Variants in KIF27 observed in about 807,000 individuals in gnomAD.
The protein encoded by KIF27 is kinesin family member 27, also known as kinesin-like protein KIF27.
Under a neutral mutation model 141.8 loss-of-function variants are expected in KIF27, and 84 were observed. The ratio of observed to expected loss-of-function variants is 0.59; its 90% CI spans 0.50 to 0.71. The LOEUF (loss-of-function observed/expected upper bound fraction) is 0.71, where lower values mean the gene tolerates loss of function less well. KIF27 is among the 30% of genes least tolerant of loss of function. KIF27 has a pLI of 0.00. For synonymous variants in KIF27, 471 were observed against 569.5 expected, an observed-to-expected ratio of 0.83 and a Z score of 2.46; for missense variants, 1,306 against 1,628.4, an observed-to-expected ratio of 0.80 and a Z score of 3.41.
chr9:83,851,231 C>T (rs1948548653), intron 15 of KIF27, among the ~76,000 whole-genome samples: 1 of 152,122 alleles, frequency 6.6e-6, no homozygotes, highest in African/African-American at 2.4e-5. Flanking sequence ...AATTCTGTAA[C>T]TTTATTTCTC....
At chr9:83,902,951 G>C in intron 4 of KIF27, 109 bp downstream of exon 4, 1 of 611,306 alleles carries the variant, frequency 1.6e-6, no homozygotes, top group Non-Finnish European at 2.7e-6. Context: ...CCTTAAAAGA[G>C]TTATCCATAA....
At chr9:83,904,128 G>A in intron 3 of KIF27, 110 bp from the exon 4 acceptor site, 1 of 689,186 alleles carries the variant, frequency 1.5e-6, no homozygotes, top group African/African-American at 1.8e-5. Flanking sequence ...TTTTTAAAAA[G>A]TCAACAGCAT....
rs140861753 is a variant in KIF27 at position 83,891,321 on chromosome 9, T to C, written c.1783A>G (p.Ile595Val). ...TTCCTGGAATCTTGTCTTGATGGGA[T>C]ATAAATATAATGCCCCAAATGAGTA... The part of the protein sequence containing the change: ...FDTHLGHYIY[I>V]PSRQDSRKVH... The change falls in exon 6 of 18, where the codon ATC (isoleucine) becomes GTC (valine). Residue 595 changes from isoleucine (I) to valine (V), a missense_variant. By Grantham distance (29) the Ile-to-Val change is conservative. Transcript: ENST00000297814. 2.1e-5 allele frequency: 34 copies of C among 1,613,070 alleles called. No individual in the cohort carries two copies. The African/African-American group carries it at 2.1e-4, about 10-fold the overall frequency.
chr9:83,850,120 A>C lies in KIF27; in HGVS notation c.3535T>G (p.Leu1179Val). Residue 1179 changes from leucine to valine, a missense_variant, in exon 16 of 18, where the codon TTG becomes GTG. Transcript: ENST00000297814. ...TTACCTTTGAAATGATGTAATAGCA[A>C]CTGCATCTTTTGTTCGTGTTCCTTT... ...QQKEHEQKMQ[L>V]LLHHFKEQDG... is the part of the protein sequence containing the mutation. The C allele has an allele frequency of 6.2e-7, 1 of 1,613,936 alleles. No homozygotes were observed. Among genetic ancestry groups the C allele is most frequent in the South Asian group, 1.1e-5 (1 of 91,082 alleles).
rs796372252 is a variant in KIF27 at position 83,848,061 on chromosome 9, CATAT to C, written c.3556+2034_3556+2037del. 1.0e-3 allele frequency among the ~76,000 whole-genome samples: 20 copies of C among 19,276 alleles called. 2 individuals are homozygous for C. Among genetic ancestry groups the C allele is most frequent in the East Asian group, 2.9e-3 (1 of 340 alleles). 12.6% of individuals were successfully genotyped at this position (19,276 alleles called of 152,430 possible). On this transcript the variant is annotated intron_variant, in intron 16 of 17. Coordinates refer to ENST00000297814, the MANE Select transcript of KIF27 (RefSeq NM_017576.4). ...TATATATCTACATATATCTATATAT[CATAT>C]ATATGATATATGATATATCATATAT...
chr9:83,883,703 G>C (rs1951858625), intron 10 of KIF27, 110 bp downstream of exon 10: 1 of 684,132 alleles, frequency 1.5e-6, no homozygotes, highest in Admixed American at 2.8e-5. Context: ...TTGATACCCA[G>C]TTTCTCTTGC....
At chr9:83,887,642 T>C (rs1233875362) in intron 8 of KIF27, among the ~76,000 whole-genome samples, 1 of 152,050 alleles carries the variant, frequency 6.6e-6, no homozygotes, top group African/African-American at 2.4e-5. Context: ...GTAAATCAAC[T>C]ATGTCACTAA....
intron 1 of KIF27, among the ~76,000 whole-genome samples, chr9:83,920,904 C>T (rs1040438011): frequency 1.2e-5 from 1 of 80,504 alleles, no homozygotes; most frequent in African/African-American, 4.5e-5. Context: ...GTGGGAAATG[C>T]GCCCAAGTTT....
At chr9:83,840,133 T>C (rs1946393920) in intron 17 of KIF27, among the ~76,000 whole-genome samples, 1 of 152,214 alleles carries the variant, frequency 6.6e-6, no homozygotes, top group African/African-American at 2.4e-5. Context: ...AGACAGGATA[T>C]AGTGTAAACT....
At chr9:83,914,395 T>C (rs979255281) in intron 2 of KIF27, among the ~76,000 whole-genome samples, 4 of 152,210 alleles carry the variant, frequency 2.6e-5, no homozygotes, top group African/African-American at 9.6e-5. Context: ...ATTTTAATCT[T>C]TGCAATAAAG....
intron 16 of KIF27, among the ~76,000 whole-genome samples, chr9:83,848,285 TGATATATCA>T (rs1250394513): frequency 9.3e-6 from 1 of 107,380 alleles, no homozygotes; most frequent in Non-Finnish European, 1.8e-5. Flanking sequence ...ATGATATATA[TGATATATCA>T]GATATGATAT....
intron 2 of KIF27, 49 bp downstream of exon 2, chr9:83,915,245 G>T (rs758727804): frequency 2.0e-6 from 3 of 1,486,580 alleles, no homozygotes; most frequent in Non-Finnish European, 2.7e-6. Flanking sequence ...TCATATTTTT[G>T]CTTCTTTCTA....
intron 2 of KIF27, among the ~76,000 whole-genome samples, chr9:83,912,047 G>A (rs1804192325): frequency 6.6e-6 from 1 of 152,054 alleles, no homozygotes; most frequent in Non-Finnish European, 1.5e-5. Flanking sequence ...GGTAAGTTTG[G>A]TGATCTTTAT....
chr9:83,857,966 GTTT>G (rs373203891), intron 14 of KIF27, among the ~76,000 whole-genome samples: 2 of 123,342 alleles, frequency 1.6e-5, no homozygotes, highest in Non-Finnish European at 1.7e-5. Flanking sequence ...AATACTTTGG[GTTT>G]TTTTTTTTTT....
At chr9:83,855,819 G>C (rs1949136442) in intron 14 of KIF27, among the ~76,000 whole-genome samples, 2 of 152,312 alleles carry the variant, frequency 1.3e-5, no homozygotes, top group Non-Finnish European at 2.9e-5. Flanking sequence ...CAAATGTGAA[G>C]AGTTTGCCTT....
At chr9:83,904,092 T>C (rs1191742027) in intron 3 of KIF27, 74 bp from the exon 4 acceptor site, 12 of 1,180,708 alleles carry the variant, frequency 1.0e-5, no homozygotes, top group Non-Finnish European at 1.4e-5. Context: ...TACCATTTGC[T>C]AAACAGCCTG....
chr9:83,914,305 T>C (rs1005040776), intron 2 of KIF27, among the ~76,000 whole-genome samples: 2 of 151,958 alleles, frequency 1.3e-5, no homozygotes, highest in African/African-American at 4.8e-5. Flanking sequence ...AACAATCTAG[T>C]ATCTGTGATC....
At chr9:83,850,004 A>G in intron 16 of KIF27, 95 bp downstream of exon 16, 1 of 1,104,890 alleles carries the variant, frequency 9.1e-7, no homozygotes, top group South Asian at 1.4e-5. Flanking sequence ...CTATTTAAAC[A>G]TGTTGACCTT....
At chr9:83,845,533 A>G (rs1947156797) in intron 16 of KIF27, among the ~76,000 whole-genome samples, 1 of 152,146 alleles carries the variant, frequency 6.6e-6, no homozygotes, top group South Asian at 2.1e-4. Flanking sequence ...ATCAGCTGAC[A>G]GGGGAAGAGA....
Sources: gnomAD v4.1 joint callset for allele counts (sites outside exome capture counted in the v4.1 genomes callset) on GRCh38, gnomAD v4.1.1 for gene constraint, MANE v1.5 for transcripts, NCBI Gene and HGNC (gene_info 2026-07-23, HGNC 2026-07-21) for gene names.